Variants in SAE1 observed in about 807,000 individuals in gnomAD.
SAE1 encodes the protein SUMO-activating enzyme subunit 1.
SAE1 carries 11 observed loss-of-function variants against 40.6 expected under a neutral mutation model. The observed-to-expected ratio is 0.27, with a 90% CI of 0.17 to 0.45. The LOEUF is 0.45. Among genes scored for constraint, SAE1 ranks in the 20% least tolerant of loss-of-function variants. The probability of loss-of-function intolerance (pLI) is 1.00; values close to 1 mark genes in which losing one functional copy is unlikely to be tolerated. For synonymous variants in SAE1, 155 were observed against 154.3 expected, an observed-to-expected ratio of 1.00 and a Z score of -0.03; for missense variants, 373 against 427.3, an observed-to-expected ratio of 0.87 and a Z score of 1.12.
intron 4 of SAE1, among the ~76,000 whole-genome samples, chr19:47,153,647 A>G (rs1381605462): frequency 6.6e-6 from 1 of 152,170 alleles, no homozygotes; most frequent in Non-Finnish European, 1.5e-5. Context: ...TCAGCCTCTC[A>G]GGCAAGTCAC....
chr19:47,193,986 G>A (rs1238165453), intron 6 of SAE1, among the ~76,000 whole-genome samples: 1 of 152,070 alleles, frequency 6.6e-6, no homozygotes. Context: ...CCAGAAGCAG[G>A]GTGTGTCTTT....
intron 5 of SAE1, among the ~76,000 whole-genome samples, chr19:47,159,414 A>T (rs2032978486): frequency 6.6e-6 from 1 of 152,036 alleles, no homozygotes; most frequent in South Asian, 2.1e-4. Context: ...TAAGCTCCAT[A>T]GGGGGAAGGT....
chr19:47,140,264 G>T (rs1461637531), intron 1 of SAE1, among the ~76,000 whole-genome samples: 2 of 151,638 alleles, frequency 1.3e-5, no homozygotes, highest in Non-Finnish European at 2.9e-5. Context: ...CCGCCACCAT[G>T]CCCAGCTAAT....
At chr19:47,132,971 G>T (rs2058155612) in intron 1 of SAE1, among the ~76,000 whole-genome samples, 1 of 152,010 alleles carries the variant, frequency 6.6e-6, no homozygotes, top group South Asian at 2.1e-4. Context: ...GTTTTGATAG[G>T]TTGGCCAGGG....
intron 6 of SAE1, among the ~76,000 whole-genome samples, chr19:47,195,488 T>C (rs2058607888): frequency 2.0e-5 from 3 of 152,142 alleles, no homozygotes. Flanking sequence ...AAATTAAACA[T>C]CCATTTATGG....
intron 6 of SAE1, among the ~76,000 whole-genome samples, chr19:47,172,596 C>T (rs1005671313): frequency 3.3e-5 from 5 of 151,778 alleles, no homozygotes; most frequent in African/African-American, 1.2e-4. Context: ...CCCAGCTACT[C>T]GGGAGGCTGA....
intron 6 of SAE1, among the ~76,000 whole-genome samples, chr19:47,184,734 T>C (rs1302689120): frequency 6.6e-6 from 1 of 152,022 alleles, no homozygotes; most frequent in Non-Finnish European, 1.5e-5. Flanking sequence ...TTTTTTTACG[T>C]AGGAGAGCTC....
intron 6 of SAE1, among the ~76,000 whole-genome samples, chr19:47,171,911 T>TA (rs1442256043): frequency 6.6e-6 from 1 of 152,066 alleles, no homozygotes; most frequent in Non-Finnish European, 1.5e-5. Context: ...GTATTTTTTT[T>TA]AATGTTATTT....
chr19:47,174,487 C>G (rs2058455934), intron 6 of SAE1, among the ~76,000 whole-genome samples: 1 of 151,454 alleles, frequency 6.6e-6, no homozygotes, highest in African/African-American at 2.4e-5. Flanking sequence ...ACCTCCACCT[C>G]CCAGGTTTAA....
At chr19:47,168,193 A>G (rs78488038) in intron 5 of SAE1, among the ~76,000 whole-genome samples, 2 of 146,096 alleles carry the variant, frequency 1.4e-5, no homozygotes, top group Non-Finnish European at 3.0e-5. Flanking sequence ...GACTGTCTGG[A>G]AAAAAAAAAT....
chr19:47,146,210 G>T, intron 2 of SAE1, among the ~76,000 whole-genome samples: 1 of 151,996 alleles, frequency 6.6e-6, no homozygotes, highest in East Asian at 1.9e-4. Context: ...TCCAAGTCAG[G>T]AGGGGCTCCT....
At chr19:47,182,350 C>A (rs2058511772) in intron 6 of SAE1, among the ~76,000 whole-genome samples, 1 of 152,080 alleles carries the variant, frequency 6.6e-6, no homozygotes, top group Admixed American at 6.6e-5. Context: ...GAGAAAGAGA[C>A]AGCCACAGGG....
At chr19:47,175,688 G>T (rs150778244) in intron 6 of SAE1, among the ~76,000 whole-genome samples, 2,456 of 152,324 alleles carry the variant, frequency 0.016, 68 homozygotes, top group African/African-American at 0.054. Context: ...AGTGAGCCGA[G>T]ATCGTGCCAC....
intron 1 of SAE1, among the ~76,000 whole-genome samples, chr19:47,132,413 G>A (rs1279592117): frequency 2.0e-5 from 3 of 150,472 alleles, no homozygotes; most frequent in East Asian, 3.9e-4. Flanking sequence ...CACATCATCC[G>A]ACTAATTTTT....
intron 7 of SAE1, 69 bp downstream of exon 7, chr19:47,197,446 T>G: frequency 7.1e-7 from 1 of 1,417,034 alleles, no homozygotes; most frequent in Non-Finnish European, 9.6e-7. Context: ...TGCCTTAATT[T>G]GACAAGCTCT....
chr19:47,137,703 TTGTGTG>T (rs35991953), intron 1 of SAE1, among the ~76,000 whole-genome samples: 25 of 135,064 alleles, frequency 1.9e-4, no homozygotes, highest in South Asian at 1.1e-3. Context: ...ACTCAGCTGA[TTGTGTG>T]TGTGTGTGTG....
Position 47,143,603 on chromosome 19 carries a change from C to T in SAE1, c.208C>T (p.Gln70Ter). 6.2e-7 allele frequency: 1 copy of T among 1,609,022 alleles called. No individual in the cohort carries two copies. The highest frequency in any genetic ancestry group is 8.5e-7 in the Non-Finnish European group (1 of 1,175,372). The change falls in exon 2 of 9, where the codon CAG (glutamine) becomes TAG (stop). Residue 70 changes from glutamine to a stop codon, truncating the protein, a stop_gained and splice_region_variant. Coordinates refer to ENST00000270225, the MANE Select transcript of SAE1 (RefSeq NM_005500.3). LOFTEE classifies it high-confidence loss of function. ...VKGLTMLDHE[Q>*]VTPEDPGAQF... ...AGGACTGACCATGCTGGATCACGAA[C>T]AGGTGCGCTGTTGTGAGCTCATTCC...
chr19:47,196,407 A>T (rs1318841788), intron 6 of SAE1, among the ~76,000 whole-genome samples: 1 of 127,342 alleles, frequency 7.9e-6, no homozygotes, highest in Admixed American at 9.9e-5. Flanking sequence ...TCTGTCACCC[A>T]GGCTAGATTG....
At chr19:47,161,064 C>T (rs1011021687) in intron 5 of SAE1, among the ~76,000 whole-genome samples, 2 of 152,030 alleles carry the variant, frequency 1.3e-5, no homozygotes, top group African/African-American at 4.8e-5. Flanking sequence ...TGCAGTGGCA[C>T]AAACACAGCT....
Sources: gnomAD v4.1 joint callset for allele counts (sites outside exome capture counted in the v4.1 genomes callset) on GRCh38, gnomAD v4.1.1 for gene constraint, MANE v1.5 for transcripts, NCBI Gene and HGNC (gene_info 2026-07-23, HGNC 2026-07-21) for gene names.